Variants in TBL1XR1 observed in about 807,000 individuals in gnomAD.
TBL1XR1 encodes the protein TBL1X/Y related 1, also known as F-box-like/WD repeat-containing protein TBL1XR1.
A neutral mutation model predicts 66.9 loss-of-function variants in TBL1XR1; 5 were observed. The ratio of observed to expected loss-of-function variants is 0.07; its 90% CI spans 0.04 to 0.16. The LOEUF is 0.16. TBL1XR1 is among the 10% of genes least tolerant of loss of function. The pLI, the probability that TBL1XR1 is intolerant of heterozygous loss-of-function variation, is 1.00. For synonymous variants in TBL1XR1, 210 were observed against 206.0 expected, an observed-to-expected ratio of 1.02 and a Z score of -0.17; for missense variants, 238 against 623.2, an observed-to-expected ratio of 0.38 and a Z score of 6.58.
intron 1 of TBL1XR1, among the ~76,000 whole-genome samples, chr3:177,175,480 A>G (rs1174900967): frequency 2.0e-5 from 3 of 152,232 alleles, no homozygotes; most frequent in African/African-American, 7.2e-5. Context: ...CAAAATTGAG[A>G]ACGTGCCTGG....
At position 177,019,760 on chromosome 3, in the gene TBL1XR1, G is replaced by T. The variant is rs1305852437; in HGVS notation, c.*5738C>A. On this transcript the variant is annotated 3_prime_UTR_variant, in exon 16 of 16. Transcript: ENST00000457928. ...TTTCAGCTTTCCCTCAAGCTTATAAGGATTCTAATCCTTAGGAGTCCAACC... is the reference window on the plus strand; with the variant it reads ...TTTCAGCTTTCCCTCAAGCTTATAATGATTCTAATCCTTAGGAGTCCAACC... 1 of 151,998 alleles carries T rather than the reference G, an allele frequency of 6.6e-6. No individual in the cohort carries two copies. The allele number at this position is 151,998 out of a possible 1,614,324, so 9.4% of individuals were successfully genotyped here.
At position 177,046,160 on chromosome 3, in the gene TBL1XR1, AC is replaced by A; in HGVS notation, c.893del (p.Gly298ValfsTer39). On this transcript the variant is annotated frameshift_variant, in exon 10 of 16. Transcript: ENST00000457928. LOFTEE classifies it high-confidence loss of function. The stretch of plus-strand genomic sequence containing the variant: ...GAAAAGGAAACTGTTGCTTGGCTTC[AC>A]CAGTATGTGCGTCCCAAATAATTGT... ...KTTIIWDAHT[G>X]EAKQQFPFHS... 2 of 1,541,766 alleles carry A rather than the reference AC, an allele frequency of 1.3e-6. No homozygotes were observed. Among genetic ancestry groups the A allele is most frequent in the East Asian group, 2.4e-5 (1 of 41,030 alleles).
At position 177,064,777 on chromosome 3, in the gene TBL1XR1, CAT is replaced by C. The variant is rs1247267455; in HGVS notation, c.58+141_58+142del. 9.6e-6 allele frequency: 6 copies of C among 624,232 alleles called. No homozygotes were observed. In the East Asian group the frequency reaches 1.9e-4, roughly 19 times the overall value. 38.7% of individuals were successfully genotyped at this position (624,232 alleles called of 1,614,324 possible). On this transcript the variant is annotated intron_variant, in intron 3 of 15. Transcript: ENST00000457928. ...CAGAGAGTTAAACCATGCAGTAAAA[CAT>C]AGCTTTAAAATGGCAGTCCAGACAT...
At chr3:177,175,182 A>G (rs1734013794) in intron 1 of TBL1XR1, among the ~76,000 whole-genome samples, 1 of 152,236 alleles carries the variant, frequency 6.6e-6, no homozygotes, top group Non-Finnish European at 1.5e-5. Flanking sequence ...TGTGAATAAC[A>G]TTGTATTGTA....
At chr3:177,186,980 C>G (rs1735496628) in intron 1 of TBL1XR1, among the ~76,000 whole-genome samples, 1 of 152,018 alleles carries the variant, frequency 6.6e-6, no homozygotes, top group African/African-American at 2.4e-5. Flanking sequence ...TCCCGGCTAA[C>G]AGGATGAAAC....
At chr3:177,042,913 TA>T (rs559652417) in intron 10 of TBL1XR1, among the ~76,000 whole-genome samples, 46 of 150,190 alleles carry the variant, frequency 3.1e-4, no homozygotes, top group African/African-American at 5.1e-4. Context: ...ACTTTATTTT[TA>T]AAAAAAAAAG....
chr3:177,141,330 T>C (rs28505393), intron 1 of TBL1XR1, among the ~76,000 whole-genome samples: 133 of 152,344 alleles, frequency 8.7e-4, no homozygotes, highest in African/African-American at 3.1e-3. Context: ...TAAAAAGTTA[T>C]GGTAAGTCAG....
intron 1 of TBL1XR1, among the ~76,000 whole-genome samples, chr3:177,180,370 ATT>A (rs1734671032): frequency 1.7e-5 from 1 of 57,594 alleles, no homozygotes; most frequent in African/African-American, 7.8e-5. Flanking sequence ...AAATACGTTC[ATT>A]CCCCCCCCCC....
intron 1 of TBL1XR1, among the ~76,000 whole-genome samples, chr3:177,153,929 T>C (rs1321469938): frequency 7.3e-6 from 1 of 136,348 alleles, no homozygotes; most frequent in Non-Finnish European, 1.6e-5. Context: ...GGGTAGCCAC[T>C]AAAGAGGTAT....
intron 1 of TBL1XR1, among the ~76,000 whole-genome samples, chr3:177,130,769 G>A (rs1179205640): frequency 6.6e-6 from 1 of 152,182 alleles, no homozygotes; most frequent in Admixed American, 6.5e-5. Flanking sequence ...TCAAAGCCCA[G>A]ACTAAAACAA....
chr3:177,130,679 C>G (rs1027439242), intron 1 of TBL1XR1, among the ~76,000 whole-genome samples: 4 of 152,006 alleles, frequency 2.6e-5, no homozygotes, highest in African/African-American at 9.7e-5. Flanking sequence ...ATATAAAATG[C>G]TCAAGTGTTC....
Position 177,051,701 on chromosome 3 carries a change from G to A in TBL1XR1, c.230C>T (p.Pro77Leu), listed in dbSNP as rs1480036210. The A allele has an allele frequency of 6.3e-7, 1 of 1,590,146 alleles. No individual in the cohort carries two copies. The change falls in exon 5 of 16, where the codon CCA becomes CTA. Residue 77 changes from proline (P) to leucine (L), a missense_variant. Transcript: ENST00000457928. ...NEDGTLFDGR[P>L]IESLSLIDAV... ...ATCTATCAGGGACAGAGACTCTATT[G>A]GTCGACCATCAAACAAGGTACCATC... is the stretch of plus-strand genomic sequence containing the variant.
intron 4 of TBL1XR1, among the ~76,000 whole-genome samples, chr3:177,053,350 A>AC (rs1329276302): frequency 1.4e-4 from 21 of 152,184 alleles, no homozygotes; most frequent in Admixed American, 1.4e-3. Context: ...CAGTATGCTG[A>AC]CCCCTAAGCC....
chr3:177,170,342 G>T (rs1236943109), intron 1 of TBL1XR1, among the ~76,000 whole-genome samples: 1 of 152,046 alleles, frequency 6.6e-6, no homozygotes, highest in Non-Finnish European at 1.5e-5. Context: ...TACTATCCCT[G>T]GCGGTCTTTC....
At chr3:177,094,522 C>T (rs973174058) in intron 2 of TBL1XR1, among the ~76,000 whole-genome samples, 4 of 152,138 alleles carry the variant, frequency 2.6e-5, no homozygotes, top group Admixed American at 1.3e-4. Flanking sequence ...TCCTTGTACA[C>T]GCATGTTTAT....
chr3:177,042,718 A>G (rs1199393243), intron 10 of TBL1XR1, among the ~76,000 whole-genome samples: 1 of 152,168 alleles, frequency 6.6e-6, no homozygotes, highest in Non-Finnish European at 1.5e-5. Flanking sequence ...ATCTCATTTT[A>G]CACATAAGAG....
chr3:177,159,155 T>TAA (rs918873493), intron 1 of TBL1XR1, among the ~76,000 whole-genome samples: 2 of 143,504 alleles, frequency 1.4e-5, no homozygotes, highest in Non-Finnish European at 3.1e-5. Flanking sequence ...TCTCAATGGG[T>TAA]AAAAAAAAAA....
intron 13 of TBL1XR1, among the ~76,000 whole-genome samples, chr3:177,033,512 T>A (rs1405323982): frequency 6.6e-6 from 1 of 152,104 alleles, no homozygotes; most frequent in Non-Finnish European, 1.5e-5. Context: ...TTTCCATTTA[T>A]CTTTTTTTTT....
intron 5 of TBL1XR1, 134 bp from the exon 6 acceptor site, chr3:177,050,744 T>C: frequency 1.1e-6 from 1 of 881,620 alleles, no homozygotes; most frequent in South Asian, 1.8e-5. Flanking sequence ...CCAGTTAAGC[T>C]GAACATGACT....
Sources: allele counts gnomAD v4.1 joint callset (sites outside exome capture counted in the v4.1 genomes callset), GRCh38; gene constraint gnomAD v4.1.1; transcripts MANE v1.5; gene names NCBI Gene and HGNC (gene_info 2026-07-23, HGNC 2026-07-21).